CEP68: variants seen among roughly 807,000 people sequenced by gnomAD.
CEP68 encodes the protein centrosomal protein of 68 kDa.
A neutral mutation model predicts 55.3 loss-of-function variants in CEP68; 26 were observed. The ratio of observed to expected loss-of-function variants is 0.47; its 90% CI spans 0.34 to 0.65. The LOEUF is 0.65. Ranked by LOEUF, CEP68 falls within the 30% of genes least tolerant of loss-of-function variation. The pLI is 0.01. For synonymous variants in CEP68, 402 were observed against 383.2 expected (o/e 1.05, Z -0.57); for missense variants, 957 against 946.7 (o/e 1.01, Z -0.14).
chr2:65,081,077 G>A (rs1676986346), intron 5 of CEP68, among the ~76,000 whole-genome samples: 1 of 152,068 alleles, frequency 6.6e-6, no homozygotes, highest in Admixed American at 6.5e-5. Flanking sequence ...CGGGCGTGGT[G>A]GTGGGCGCCA....
At chr2:65,074,766 C>A (rs972848564) in intron 4 of CEP68, 14 of 230,036 alleles carry the variant, frequency 6.1e-5, no homozygotes, top group East Asian at 5.0e-4. Context: ...ATAGCAAGAC[C>A]CCCCCCCCTC....
intron 5 of CEP68, among the ~76,000 whole-genome samples, chr2:65,081,309 T>A (rs1394009869): frequency 6.6e-6 from 1 of 152,036 alleles, no homozygotes; most frequent in Non-Finnish European, 1.5e-5. Flanking sequence ...TGCCACACTC[T>A]GCCAACTCTC....
Position 65,077,863 on chromosome 2 carries a change from T to C in CEP68, c.2008-5T>C. The C allele has an allele frequency of 3.1e-6, 5 of 1,607,284 alleles. No individual in the cohort carries two copies. The highest frequency in any genetic ancestry group is 4.3e-6 in the Non-Finnish European group (5 of 1,175,658). On this transcript the variant is annotated splice_region_variant and splice_polypyrimidine_tract_variant and intron_variant, in intron 4 of 6. Transcript: ENST00000377990. ...CTGCCTTTTCTTTTTCTGATACGCC[T>C]TAAGCAATTTAAGAAAGATATAGAT...
At position 65,072,164 on chromosome 2, in the gene CEP68, C is replaced by A. The variant is rs2723088; in HGVS notation, c.1068C>A (p.Asn356Lys). 0.12 allele frequency: 187,063 copies of A among 1,613,896 alleles called. 11,508 individuals are homozygous for A. Among genetic ancestry groups the A allele is most frequent in the Non-Finnish European group, 0.13 (147,498 of 1,179,940 alleles). The change falls in exon 3 of 7, where the codon AAC (asparagine) becomes AAA (lysine). Residue 356 changes from asparagine to lysine, a missense_variant. Asn to Lys is a moderately conservative substitution (Grantham distance 94). Coordinates refer to ENST00000377990, the MANE Select transcript of CEP68 (RefSeq NM_015147.3). ...TLKSPTNVSPNCPPAEATALP... is the reference protein window; with the variant it reads ...TLKSPTNVSPKCPPAEATALP... The stretch of plus-strand genomic sequence containing the variant: ...AATCACCTACTAATGTCTCCCCCAA[C>A]TGCCCACCAGCAGAGGCCACTGCCC...
rs902638481 is a variant in CEP68 at position 65,084,568 on chromosome 2, A to G, written c.*934A>G. ...ATCAACCATTCAAAGCATCAATTCT[A>G]TAGCTTTTTGCAGCAAGATGATCAG... is the stretch of plus-strand genomic sequence containing the variant. On this transcript the variant is annotated 3_prime_UTR_variant, in exon 7 of 7. Coordinates refer to ENST00000377990, the MANE Select transcript of CEP68 (RefSeq NM_015147.3). 3 of 152,266 alleles carry G rather than the reference A, an allele frequency of 2.0e-5. No individual in the cohort carries two copies. Among genetic ancestry groups the G allele is most frequent in the Admixed American group, 6.5e-5 (1 of 15,290 alleles). The allele number at this position is 152,266 out of a possible 1,614,324, so 9.4% of individuals were successfully genotyped here.
At position 65,069,785 on chromosome 2, in the gene CEP68, T is replaced by C; in HGVS notation, c.341T>C (p.Leu114Pro). Reference protein sequence around the residue: ...PATMGSGDLLLSGESQVEKTK... With the variant: ...PATMGSGDLLPSGESQVEKTK... Reference sequence around the variant, plus strand: ...ACCATGGGGTCTGGAGACCTTCTGCTCTCCGGGGAAAGCCAGGTAGGTACT... The same window carrying C: ...ACCATGGGGTCTGGAGACCTTCTGCCCTCCGGGGAAAGCCAGGTAGGTACT... Residue 114 changes from leucine (L) to proline (P), a missense_variant, in exon 2 of 7, where the codon CTC becomes CCC. Physicochemically the swap from Leu to Pro is moderately conservative, Grantham distance 98. Transcript: ENST00000377990. 3 of 1,613,896 alleles carry C rather than the reference T, an allele frequency of 1.9e-6. No individual in the cohort carries two copies. Among genetic ancestry groups the C allele is most frequent in the Non-Finnish European group, 2.5e-6 (3 of 1,179,980 alleles).
chr2:65,072,683 C>T lies in CEP68; in HGVS notation c.1587C>T (p.Ser529=), dbSNP rs1464448725. The change falls in exon 3 of 7, where the codon TCC becomes TCT. Residue 529 remains serine (S), a synonymous_variant. Transcript: ENST00000377990. ...TGTCAGACAGTGATGGGCCAGCTTC[C>T]TTCCCTTCAAGCTCCAGCCAAAGCC... is the stretch of plus-strand genomic sequence containing the variant. ...LEVSDSDGPA[S]FPSSSSQSQL... The T allele has an allele frequency of 7.4e-6, 12 of 1,614,038 alleles. No individual in the cohort carries two copies. Among genetic ancestry groups the T allele is most frequent in the Middle Eastern group, 3.3e-4 (2 of 6,084 alleles).
At chr2:65,077,277 T>C (rs1184999621) in intron 4 of CEP68, among the ~76,000 whole-genome samples, 5 of 152,124 alleles carry the variant, frequency 3.3e-5, no homozygotes, top group African/African-American at 4.8e-5. Flanking sequence ...GGATTACAGG[T>C]GTGAGCCACC....
At position 65,081,654 on chromosome 2, in the gene CEP68, T is replaced by C. The variant is rs372926240; in HGVS notation, c.2105-882T>C. 3.7e-4 allele frequency among the ~76,000 whole-genome samples: 57 copies of C among 152,336 alleles called. No homozygotes were observed. In the South Asian group the frequency reaches 0.011, roughly 29 times the overall value. On this transcript the variant is annotated intron_variant, in intron 5 of 6. Transcript: ENST00000377990. ...CTCACATGAACAACAATTCTGACAC[T>C]GCGGGAGTGAATCTTCCCTTAGACT...
At chr2:65,079,924 G>C (rs549272770) in intron 5 of CEP68, among the ~76,000 whole-genome samples, 2 of 152,054 alleles carry the variant, frequency 1.3e-5, no homozygotes, top group Admixed American at 6.5e-5. Flanking sequence ...ACCTGAGATC[G>C]GGAGTTTGAG....
rs754862448 is a variant in CEP68 at position 65,062,048 on chromosome 2, C to T, written c.-47+5520C>T. On this transcript the variant is annotated intron_variant, in intron 1 of 6. Coordinates refer to ENST00000377990, the MANE Select transcript of CEP68 (RefSeq NM_015147.3). ...TGTTCATGGCAATTATCACTTATTCCTGTGGCCTCCTGTGAAAACAGGTTT... is the reference window on the plus strand; with the variant it reads ...TGTTCATGGCAATTATCACTTATTCTTGTGGCCTCCTGTGAAAACAGGTTT... Among the ~76,000 whole-genome samples, 95 of 152,320 alleles carry T rather than the reference C, an allele frequency of 6.2e-4. 1 individual carries two copies. Among genetic ancestry groups the T allele is most frequent in the Non-Finnish European group, 1.1e-3 (75 of 68,030 alleles).
rs372941419 is a variant in CEP68, at chr2:65,072,927, C to T, written c.1831C>T (p.Leu611Phe). Residue 611 changes from leucine to phenylalanine, a missense_variant, in exon 3 of 7, where the codon CTT (leucine) becomes TTT (phenylalanine). Transcript: ENST00000377990. ...PFSDPDVEGQ[L>F]PRKGGEQGKE... ...CTCAGACCCAGATGTTGAAGGGCAG[C>T]TTCCCAGGAAAGGAGGAGAACAGGG... The T allele has an allele frequency of 6.2e-7, 1 of 1,613,910 alleles. No homozygotes were observed. The highest frequency in any genetic ancestry group is 8.5e-7 in the Non-Finnish European group (1 of 1,180,046).
At position 65,069,714 on chromosome 2, in the gene CEP68, C is replaced by G. The variant is rs112673076; in HGVS notation, c.270C>G (p.Pro90=). 1 of 1,614,074 alleles carries G rather than the reference C, an allele frequency of 6.2e-7. No individual in the cohort carries two copies. The highest frequency in any genetic ancestry group is 8.5e-7 in the Non-Finnish European group (1 of 1,180,024). ...QPQASDANRE[P]VAERSEPALS... ...AGGCCAGTGATGCCAACAGAGAGCC[C>G]GTAGCTGAGAGGTCTGAGCCTGCAC... Residue 90 remains proline (P), a synonymous_variant, in exon 2 of 7, where the codon CCC becomes CCG. Transcript: ENST00000377990.
In CEP68 at chr2:65,077,941, A is replaced by C. The variant is rs1472822549; in HGVS notation, c.2081A>C (p.Gln694Pro). The change falls in exon 5 of 7, where the codon CAG becomes CCG. Residue 694 changes from glutamine to proline, a missense_variant. By Grantham distance (76) the Gln-to-Pro change is moderately conservative. Coordinates refer to ENST00000377990, the MANE Select transcript of CEP68 (RefSeq NM_015147.3). ...TTACAGAAGGGGGAGATTCTTCTTC[A>C]GTGCCTGTTGGAGAACACCCCAGGT... ...SVLQKGEILL[Q>P]CLLENTPVLE... The C allele has an allele frequency of 1.2e-6, 2 of 1,613,736 alleles. No individual in the cohort carries two copies. The highest frequency in any genetic ancestry group is 2.7e-5 in the African/African-American group (2 of 74,918).
At chr2:65,070,583 GA>G (rs1676414851) in intron 2 of CEP68, 1 of 152,244 alleles carries the variant, frequency 6.6e-6, no homozygotes, top group African/African-American at 2.4e-5. Context: ...GGGACTGGGA[GA>G]GAACAGAGGC....
intron 1 of CEP68, among the ~76,000 whole-genome samples, chr2:65,057,932 A>G (rs1267511382): frequency 6.6e-6 from 1 of 151,984 alleles, no homozygotes; most frequent in African/African-American, 2.4e-5. Context: ...CTGGGATTAC[A>G]GGCGTGTCAT....
intron 3 of CEP68, chr2:65,073,767 C>G (rs1558564693): frequency 6.2e-6 from 1 of 161,352 alleles, no homozygotes; most frequent in Non-Finnish European, 1.4e-5. Flanking sequence ...GGGCTTTCAC[C>G]TTCCCAGGAG....
intron 4 of CEP68, 87 bp downstream of exon 4, chr2:65,074,491 T>C (rs748304768): frequency 8.2e-6 from 13 of 1,576,856 alleles, no homozygotes; most frequent in Non-Finnish European, 1.1e-5. Context: ...AAATAACCAA[T>C]GTCTGGTATG....
At chr2:65,064,700 G>C (rs573594573) in intron 1 of CEP68, among the ~76,000 whole-genome samples, 7 of 148,638 alleles carry the variant, frequency 4.7e-5, no homozygotes, top group South Asian at 2.1e-4. Context: ...CGCCACTGCA[G>C]TCCAGCCTTG....
Sources: allele counts gnomAD v4.1 joint callset (sites outside exome capture counted in the v4.1 genomes callset), GRCh38; gene constraint gnomAD v4.1.1; transcripts MANE v1.5; gene names NCBI Gene and HGNC (gene_info 2026-07-23, HGNC 2026-07-21).